Variants in CEP120 observed in about 807,000 individuals in gnomAD.
The protein encoded by CEP120 is centrosomal protein 120, also known as centrosomal protein of 120 kDa.
CEP120 carries 113 observed loss-of-function variants against 126.5 expected under a neutral mutation model. The ratio of observed to expected loss-of-function variants is 0.89; its 90% CI spans 0.77 to 1.04. The LOEUF is 1.04. Ranked by LOEUF, CEP120 falls within the 50% of genes least tolerant of loss-of-function variation. CEP120 has a pLI of 0.00. For missense variants in CEP120, 1,230 were observed against 1,155.7 expected (o/e 1.06, Z -0.93); for synonymous variants, 400 against 394.3 (o/e 1.01, Z -0.17).
intron 3 of CEP120, among the ~76,000 whole-genome samples, chr5:123,415,283 A>C (rs1774317972): frequency 6.6e-6 from 1 of 152,190 alleles, no homozygotes; most frequent in Non-Finnish European, 1.5e-5. Flanking sequence ...AAAAAACCCA[A>C]CTGGGAACAG....
chr5:123,395,745 G>C (rs1295252015), intron 5 of CEP120, among the ~76,000 whole-genome samples: 1 of 143,516 alleles, frequency 7.0e-6, no homozygotes, highest in East Asian at 2.1e-4. Context: ...GCAGTCGCAT[G>C]ATCTCGGCTC....
intron 5 of CEP120, among the ~76,000 whole-genome samples, chr5:123,396,174 T>G (rs967050938): frequency 6.6e-6 from 1 of 152,142 alleles, no homozygotes; most frequent in Non-Finnish European, 1.5e-5. Flanking sequence ...TGTATAGATA[T>G]GCCAAAGTTT....
intron 11 of CEP120, among the ~76,000 whole-genome samples, chr5:123,383,750 C>A (rs973811534): frequency 6.6e-6 from 1 of 152,046 alleles, no homozygotes; most frequent in Non-Finnish European, 1.5e-5. Context: ...GCATAATGAG[C>A]ACCTCTTTGT....
chr5:123,381,578 T>A (rs2127045825), intron 14 of CEP120, among the ~76,000 whole-genome samples: 1 of 152,282 alleles, frequency 6.6e-6, no homozygotes, highest in South Asian at 2.1e-4. Context: ...GATGGTCTCA[T>A]GTTATCATTT....
At chr5:123,403,658 G>A in intron 4 of CEP120, 1 of 378,264 alleles carries the variant, frequency 2.6e-6, no homozygotes, top group Non-Finnish European at 5.1e-6. Flanking sequence ...ATCAAAGTTA[G>A]CATCAGAAAT....
chr5:123,415,883 TG>T (rs1056750792), intron 3 of CEP120, 126 bp downstream of exon 3: 2 of 552,626 alleles, frequency 3.6e-6, no homozygotes, highest in African/African-American at 3.9e-5. Flanking sequence ...AAAAAAGAAC[TG>T]CCATATTGGC....
In CEP120 at chr5:123,422,915, G is replaced by T. The variant is rs141808885; in HGVS notation, c.49+35C>A. The T allele has an allele frequency of 5.7e-3, 9,153 of 1,595,066 alleles. 45 individuals carry two copies. Among genetic ancestry groups the T allele is most frequent in the Non-Finnish European group, 7.0e-3 (8,150 of 1,162,650 alleles). ...ACACTAAGCTTTTAAAACTCGGGAG[G>T]CAGCAGTTGCAAAAGCAAGCCTCAG... On this transcript the variant is annotated intron_variant, in intron 1 of 19. Coordinates refer to ENST00000306467, the MANE Select transcript of CEP120 (RefSeq NM_001375405.1).
intron 4 of CEP120, among the ~76,000 whole-genome samples, chr5:123,408,942 C>A (rs1200190973): frequency 2.0e-5 from 3 of 152,142 alleles, no homozygotes; most frequent in Admixed American, 6.6e-5. Flanking sequence ...CATGGTGGCT[C>A]ACACCTGTAA....
rs2127090351 is a variant in CEP120, at chr5:123,399,177, T to A, written c.571A>T (p.Ile191Phe). 1 of 1,613,714 alleles carries A rather than the reference T, an allele frequency of 6.2e-7. No individual in the cohort carries two copies. Among genetic ancestry groups the A allele is most frequent in the East Asian group, 2.2e-5 (1 of 44,856 alleles). Reference protein sequence around the residue: ...GPAEYCTDSFIMSVTIAFATQ... With the variant: ...GPAEYCTDSFFMSVTIAFATQ... Reference sequence around the variant, plus strand: ...GCAAATGCTATGGTCACTGACATAATAAAGGAGTCAGTACAGTATTCTGCT... The same window carrying A: ...GCAAATGCTATGGTCACTGACATAAAAAAGGAGTCAGTACAGTATTCTGCT... Residue 191 changes from isoleucine (I) to phenylalanine (F), a missense_variant, in exon 5 of 20, where the codon ATT (isoleucine) becomes TTT (phenylalanine). Transcript: ENST00000306467.
intron 4 of CEP120, among the ~76,000 whole-genome samples, chr5:123,411,266 T>A (rs777349807): frequency 6.6e-6 from 1 of 152,184 alleles, no homozygotes; most frequent in Non-Finnish European, 1.5e-5. Flanking sequence ...TGGAAGGCAG[T>A]GTGGATATTT....
intron 14 of CEP120, among the ~76,000 whole-genome samples, chr5:123,379,984 T>C (rs1771526968): frequency 1.3e-5 from 2 of 152,108 alleles, no homozygotes; most frequent in Admixed American, 6.6e-5. Flanking sequence ...CAGGCAGTCA[T>C]ATGTAAGACA....
intron 18 of CEP120, among the ~76,000 whole-genome samples, chr5:123,358,827 T>C (rs1223334426): frequency 6.6e-6 from 1 of 151,988 alleles, no homozygotes; most frequent in African/African-American, 2.4e-5. Context: ...AGAAAGGAGA[T>C]GTAAACATAC....
chr5:123,390,193 T>A (rs1772302264), intron 7 of CEP120, 53 bp from the exon 8 acceptor site: 1 of 1,279,084 alleles, frequency 7.8e-7, no homozygotes, highest in Admixed American at 2.1e-5. Context: ...TCCTTCATAA[T>A]TAAGCAAAAA....
intron 3 of CEP120, among the ~76,000 whole-genome samples, chr5:123,412,814 A>G (rs1046420153): frequency 3.9e-5 from 6 of 152,168 alleles, no homozygotes; most frequent in African/African-American, 1.4e-4. Context: ...AGCATAATAT[A>G]TTTCTTTCTA....
intron 17 of CEP120, among the ~76,000 whole-genome samples, chr5:123,370,243 G>T (rs924598128): frequency 6.6e-6 from 1 of 151,910 alleles, no homozygotes; most frequent in African/African-American, 2.4e-5. Flanking sequence ...GTTCCTAGAG[G>T]AATCTATTCC....
chr5:123,382,678 A>G, intron 13 of CEP120, 59 bp downstream of exon 13: 1 of 1,492,954 alleles, frequency 6.7e-7, no homozygotes, highest in Non-Finnish European at 9.1e-7. Context: ...TGCTACGGAG[A>G]AGGAAAAATA....
intron 3 of CEP120, among the ~76,000 whole-genome samples, chr5:123,413,120 A>T (rs1774169268): frequency 6.6e-6 from 1 of 151,792 alleles, no homozygotes; most frequent in South Asian, 2.1e-4. Flanking sequence ...AAAATACGAA[A>T]AATTAGCTAG....
intron 3 of CEP120, among the ~76,000 whole-genome samples, chr5:123,415,240 G>T (rs1774315282): frequency 6.6e-6 from 1 of 152,118 alleles, no homozygotes; most frequent in African/African-American, 2.4e-5. Context: ...GGTGGCAGCA[G>T]TGAAAAGCAG....
intron 4 of CEP120, chr5:123,400,810 T>A (rs1773159861): frequency 2.5e-6 from 2 of 793,480 alleles, no homozygotes; most frequent in African/African-American, 3.4e-5. Context: ...GGCCTAGGGC[T>A]GAGCCTCAGG....
Sources: gnomAD v4.1 joint callset for allele counts (sites outside exome capture counted in the v4.1 genomes callset) on GRCh38, gnomAD v4.1.1 for gene constraint, MANE v1.5 for transcripts, NCBI Gene and HGNC (gene_info 2026-07-23, HGNC 2026-07-21) for gene names.